PCDH11X: variants seen among roughly 807,000 people sequenced by gnomAD.
PCDH11X encodes the protein protocadherin-11 X-linked.
A neutral mutation model predicts 53.3 loss-of-function variants in PCDH11X; 18 were observed. The ratio of observed to expected loss-of-function variants is 0.34; its 90% CI spans 0.23 to 0.50. The LOEUF (loss-of-function observed/expected upper bound fraction) is 0.50. PCDH11X is among the 20% of genes least tolerant of loss of function. The pLI is 0.98. For synonymous variants in PCDH11X, 279 were observed against 393.3 expected (o/e 0.71, Z 3.44); for missense variants, 570 against 1,032.4 (o/e 0.55, Z 6.14).
chrX:92,423,924 C>T (rs1252573836), intron 9 of PCDH11X, among the ~76,000 whole-genome samples: 3 of 96,459 alleles, frequency 3.1e-5, no homozygotes, highest in East Asian at 6.0e-4. Flanking sequence ...AATATGATGC[C>T]TCCAGATTTG....
intron 8 of PCDH11X, among the ~76,000 whole-genome samples, chrX:92,385,831 A>C (rs1217693155): frequency 9.0e-6 from 1 of 111,142 alleles, no homozygotes; most frequent in Admixed American, 9.7e-5. Context: ...AAAACAAAAC[A>C]AAACAAAACA....
At chrX:92,452,463 G>GTATATATATA (rs763381982) in intron 9 of PCDH11X, among the ~76,000 whole-genome samples, 43 of 44,699 alleles carry the variant, frequency 9.6e-4, no homozygotes, top group East Asian at 1.9e-3. Context: ...GTGTGTGTGT[G>GTATATATATA]TATATATATA....
At chrX:91,986,295 A>T (rs1432569691) in intron 6 of PCDH11X, among the ~76,000 whole-genome samples, 2 of 112,097 alleles carry the variant, frequency 1.8e-5, no homozygotes, top group African/African-American at 3.2e-5. Context: ...TAAAGTTAAT[A>T]AAGATTTAAT....
intron 6 of PCDH11X, among the ~76,000 whole-genome samples, chrX:92,192,746 T>C (rs1409963787): frequency 9.1e-6 from 1 of 110,167 alleles, no homozygotes; most frequent in Non-Finnish European, 1.9e-5. Flanking sequence ...TGGTTGTTGT[T>C]GTTTTGTTTT....
At chrX:92,092,985 G>A (rs567016372) in intron 6 of PCDH11X, among the ~76,000 whole-genome samples, 1 of 111,159 alleles carries the variant, frequency 9.0e-6, no homozygotes, top group South Asian at 3.9e-4. Context: ...AGACCTGGTT[G>A]TTTGAAAGTG....
intron 6 of PCDH11X, among the ~76,000 whole-genome samples, chrX:92,131,743 G>C (rs1183454989): frequency 9.0e-6 from 1 of 110,884 alleles, no homozygotes; most frequent in African/African-American, 3.3e-5. Flanking sequence ...ATGGGTCCAG[G>C]TGCTAGGGTA....
At chrX:92,391,789 T>A (rs2148577907) in intron 9 of PCDH11X, among the ~76,000 whole-genome samples, 1 of 111,161 alleles carries the variant, frequency 9.0e-6, no homozygotes, top group East Asian at 2.8e-4. Context: ...TATTTTTACA[T>A]TTCTACTGAT....
chrX:92,139,981 CTTTT>C (rs564798316), intron 6 of PCDH11X, among the ~76,000 whole-genome samples: 1 of 100,572 alleles, frequency 9.9e-6, no homozygotes, highest in African/African-American at 3.6e-5. Flanking sequence ...TCTATTCTTC[CTTTT>C]TTTTTTTTAA....
chrX:92,142,746 G>T (rs1234580461), intron 6 of PCDH11X, among the ~76,000 whole-genome samples: 3 of 107,761 alleles, frequency 2.8e-5, no homozygotes, highest in African/African-American at 1.0e-4. Context: ...TGAACTACTG[G>T]ATCATCTACT....
intron 10 of PCDH11X, among the ~76,000 whole-genome samples, chrX:92,493,150 T>C (rs1485765532): frequency 9.0e-6 from 1 of 111,477 alleles, no homozygotes; most frequent in Non-Finnish European, 1.9e-5. Context: ...TTGCATATAC[T>C]AAAAGGTCAT....
intron 6 of PCDH11X, among the ~76,000 whole-genome samples, chrX:92,098,163 A>T (rs1317595321): frequency 2.7e-5 from 3 of 110,431 alleles, no homozygotes; most frequent in Admixed American, 2.0e-4. Flanking sequence ...GATCCTAGGG[A>T]TTTATTATTT....
At chrX:91,826,188 C>A in intron 4 of PCDH11X, among the ~76,000 whole-genome samples, 1 of 110,773 alleles carries the variant, frequency 9.0e-6, no homozygotes, top group African/African-American at 3.3e-5. Flanking sequence ...AAGAATATTG[C>A]TAAATAGAGA....
chrX:91,923,352 G>A (rs1233058928), intron 6 of PCDH11X, among the ~76,000 whole-genome samples: 1 of 90,736 alleles, frequency 1.1e-5, no homozygotes, highest in South Asian at 6.5e-4. Context: ...CTCAATCTGG[G>A]TGGGCACCAT....
intron 6 of PCDH11X, among the ~76,000 whole-genome samples, chrX:92,026,298 G>A (rs1478734307): frequency 9.1e-6 from 1 of 109,875 alleles, no homozygotes; most frequent in Non-Finnish European, 1.9e-5. Flanking sequence ...CAAAGCCACA[G>A]CCATTCATTT....
chrX:92,341,002 C>T (rs2069744174), intron 8 of PCDH11X, among the ~76,000 whole-genome samples: 1 of 111,713 alleles, frequency 9.0e-6, no homozygotes. Flanking sequence ...GGAGCAGGCA[C>T]AGCACTTCTT....
chrX:91,912,788 C>A (rs1941416927), intron 6 of PCDH11X, among the ~76,000 whole-genome samples: 2 of 109,710 alleles, frequency 1.8e-5, no homozygotes, highest in Middle Eastern at 4.7e-3. Flanking sequence ...AGGAACATAC[C>A]AGGAAAACTG....
intron 10 of PCDH11X, among the ~76,000 whole-genome samples, chrX:92,474,647 T>C (rs1473536572): frequency 2.2e-5 from 2 of 91,680 alleles, no homozygotes; most frequent in African/African-American, 8.3e-5. Flanking sequence ...CCATGAAACT[T>C]GCAAATACTA....
chrX:92,127,780 C>T (rs983827453), intron 6 of PCDH11X, among the ~76,000 whole-genome samples: 5 of 110,839 alleles, frequency 4.5e-5, no homozygotes, highest in Admixed American at 3.9e-4. Context: ...CTCAGCCTCC[C>T]AAAGTGCTGT....
intron 6 of PCDH11X, among the ~76,000 whole-genome samples, chrX:91,953,283 G>A (rs750106343): frequency 2.7e-4 from 30 of 110,027 alleles, no homozygotes; most frequent in African/African-American, 7.3e-4. Flanking sequence ...TGCCTGTATC[G>A]AAACATCTTA....
Sources: gnomAD v4.1 joint callset for allele counts (sites outside exome capture counted in the v4.1 genomes callset) on GRCh38, gnomAD v4.1.1 for gene constraint, MANE v1.5 for transcripts, NCBI Gene and HGNC (gene_info 2026-07-23, HGNC 2026-07-21) for gene names.